The following PPM1L variants were observed in gnomAD, a reference collection of about 807,000 sequenced individuals.
The protein encoded by PPM1L is protein phosphatase, Mg2+/Mn2+ dependent 1L, also known as protein phosphatase 1L.
Under a neutral mutation model 31.4 loss-of-function variants are expected in PPM1L, and 13 were observed. That is an observed-to-expected ratio of 0.41 (90% CI 0.27 to 0.66). PPM1L has a LOEUF of 0.66. Ranked by LOEUF, PPM1L falls within the 30% of genes least tolerant of loss-of-function variation. PPM1L has a pLI of 0.29. For missense variants in PPM1L, 326 were observed against 453.7 expected (o/e 0.72, Z 2.56); for synonymous variants, 184 against 175.4 (o/e 1.05, Z -0.39).
At chr3:160,850,952 C>G (rs1711506935) in intron 1 of PPM1L, among the ~76,000 whole-genome samples, 1 of 150,672 alleles carries the variant, frequency 6.6e-6, no homozygotes, top group African/African-American at 2.4e-5. Flanking sequence ...CCATACTTGT[C>G]AGAGAGTAAT....
rs1156349808 is a variant in PPM1L, at chr3:161,072,048, C to T, written c.*2891C>T. On this transcript the variant is annotated 3_prime_UTR_variant, in exon 4 of 4. Coordinates refer to ENST00000498165, the MANE Select transcript of PPM1L (RefSeq NM_139245.4). ...TGCTTCTGAGACCCCAGCACGATGCCAGGCCCAGGTCTCCATTAATGCAGT... is the reference window on the plus strand; with the variant it reads ...TGCTTCTGAGACCCCAGCACGATGCTAGGCCCAGGTCTCCATTAATGCAGT... 1.3e-5 allele frequency: 2 copies of T among 152,310 alleles called. No homozygotes were observed. Among genetic ancestry groups the T allele is most frequent in the Admixed American group, 1.3e-4 (2 of 15,304 alleles). 9.4% of individuals were successfully genotyped at this position (152,310 alleles called of 1,614,324 possible).
chr3:161,037,331 G>A (rs754002350), intron 2 of PPM1L, among the ~76,000 whole-genome samples: 1 of 151,700 alleles, frequency 6.6e-6, no homozygotes, highest in Non-Finnish European at 1.5e-5. Flanking sequence ...GGCAGCCAGT[G>A]GAGAGACCTA....
chr3:160,944,868 GTTATATAT>G (rs1559897254), intron 1 of PPM1L, among the ~76,000 whole-genome samples: 4 of 24,804 alleles, frequency 1.6e-4, no homozygotes, highest in African/African-American at 4.6e-4. Context: ...TATATATAAT[GTTATATAT>G]AACATATATA....
chr3:160,987,311 C>A (rs1390684948), intron 2 of PPM1L, among the ~76,000 whole-genome samples: 1 of 152,184 alleles, frequency 6.6e-6, no homozygotes, highest in Non-Finnish European at 1.5e-5. Flanking sequence ...TGAAAGGCAG[C>A]ATGGTGTAAT....
intron 2 of PPM1L, among the ~76,000 whole-genome samples, chr3:161,046,558 A>G (rs1019525777): frequency 6.6e-6 from 1 of 152,214 alleles, no homozygotes; most frequent in African/African-American, 2.4e-5. Context: ...CAATCAATAG[A>G]AAAAGAAGGA....
intron 1 of PPM1L, among the ~76,000 whole-genome samples, chr3:160,893,536 GTTTT>G (rs1438659698): frequency 1.3e-5 from 2 of 152,138 alleles, no homozygotes; most frequent in Non-Finnish European, 2.9e-5. Flanking sequence ...GAATGAAATT[GTTTT>G]TCTATCAGAG....
At chr3:161,003,919 G>A (rs1473443371) in intron 2 of PPM1L, among the ~76,000 whole-genome samples, 2 of 150,012 alleles carry the variant, frequency 1.3e-5, no homozygotes, top group South Asian at 2.1e-4. Context: ...TCTTGTGCCC[G>A]TTTTCAAAGG....
At chr3:160,786,153 C>CTGTG (rs775015539) in intron 1 of PPM1L, among the ~76,000 whole-genome samples, 100 of 74,124 alleles carry the variant, frequency 1.3e-3, no homozygotes, top group African/African-American at 7.8e-3. Flanking sequence ...CTCTCTCTCT[C>CTGTG]TCTCTGTGTG....
intron 2 of PPM1L, among the ~76,000 whole-genome samples, chr3:161,026,813 G>A (rs180981991): frequency 1.8e-3 from 269 of 151,154 alleles, no homozygotes; most frequent in Middle Eastern, 0.01. Flanking sequence ...ACAAGGTAAT[G>A]GGTGGTGAAC....
chr3:161,003,876 G>A (rs1332103122), intron 2 of PPM1L, among the ~76,000 whole-genome samples: 2 of 150,694 alleles, frequency 1.3e-5, no homozygotes, highest in African/African-American at 2.5e-5. Context: ...CCAACACTAT[G>A]TTGAATAGGA....
chr3:160,849,393 C>CTCTTTCTT (rs540054052), intron 1 of PPM1L, among the ~76,000 whole-genome samples: 38 of 151,334 alleles, frequency 2.5e-4, no homozygotes, highest in South Asian at 1.5e-3. Flanking sequence ...GACCTGCATT[C>CTCTTTCTT]TCTTTCTTTC....
chr3:160,902,366 A>G (rs1713572826), intron 1 of PPM1L, among the ~76,000 whole-genome samples: 2 of 152,092 alleles, frequency 1.3e-5, no homozygotes, highest in Non-Finnish European at 1.5e-5. Flanking sequence ...ATCTAAAGGA[A>G]CCCAATCCTC....
intron 2 of PPM1L, among the ~76,000 whole-genome samples, chr3:161,037,323 C>T (rs1233320164): frequency 6.6e-6 from 1 of 151,636 alleles, no homozygotes; most frequent in Non-Finnish European, 1.5e-5. Context: ...GATACTTGGG[C>T]AGCCAGTGGA....
intron 2 of PPM1L, among the ~76,000 whole-genome samples, chr3:161,034,126 A>G (rs1718665974): frequency 6.6e-6 from 1 of 152,260 alleles, no homozygotes; most frequent in Non-Finnish European, 1.5e-5. Flanking sequence ...GAGAAATGCA[A>G]ATCAAAACCA....
chr3:161,006,756 T>C (rs1420832940), intron 2 of PPM1L, among the ~76,000 whole-genome samples: 1 of 150,654 alleles, frequency 6.6e-6, no homozygotes, highest in African/African-American at 2.4e-5. Context: ...CATCTTGGCT[T>C]ACTGCAAGCA....
chr3:161,049,836 C>A (rs139828680), intron 2 of PPM1L, among the ~76,000 whole-genome samples: 2 of 152,230 alleles, frequency 1.3e-5, no homozygotes, highest in African/African-American at 4.8e-5. Flanking sequence ...TCAGCCTGGT[C>A]CCCTGTACAG....
chr3:160,824,463 T>C (rs1381277360), intron 1 of PPM1L, among the ~76,000 whole-genome samples: 19 of 152,156 alleles, frequency 1.2e-4, no homozygotes, highest in Non-Finnish European at 1.2e-4. Flanking sequence ...GCACCATTAG[T>C]GTATGATTAG....
chr3:160,891,080 T>A (rs184943597), intron 1 of PPM1L, among the ~76,000 whole-genome samples: 2 of 152,162 alleles, frequency 1.3e-5, no homozygotes, highest in African/African-American at 4.8e-5. Flanking sequence ...GACTTCATGA[T>A]GGAAACACCA....
At chr3:160,952,905 C>T (rs1715618816) in intron 1 of PPM1L, among the ~76,000 whole-genome samples, 1 of 152,108 alleles carries the variant, frequency 6.6e-6, no homozygotes, top group Admixed American at 6.6e-5. Context: ...GAGGGTTTCT[C>T]TCTCTTTTCA....
Sources: gnomAD v4.1 joint callset for allele counts (sites outside exome capture counted in the v4.1 genomes callset) on GRCh38, gnomAD v4.1.1 for gene constraint, MANE v1.5 for transcripts, NCBI Gene and HGNC (gene_info 2026-07-23, HGNC 2026-07-21) for gene names.